MSR1: variants seen among roughly 807,000 people sequenced by gnomAD.
MSR1 encodes the protein macrophage scavenger receptor 1.
MSR1 carries 53 observed loss-of-function variants against 47.2 expected under a neutral mutation model. That is an observed-to-expected ratio of 1.12 (90% CI 0.90 to 1.41). The LOEUF (loss-of-function observed/expected upper bound fraction) is 1.41. Among genes scored for constraint, MSR1 ranks in the 40% most tolerant of loss-of-function variants. The pLI is 0.00. For missense variants in MSR1, 786 were observed against 546.9 expected (o/e 1.44, Z -4.36); for synonymous variants, 239 against 185.6 (o/e 1.29, Z -2.34).
At chr8:16,162,174 GACAA>G (rs796747686) in intron 5 of MSR1, among the ~76,000 whole-genome samples, 19 of 152,066 alleles carry the variant, frequency 1.2e-4, no homozygotes, top group African/African-American at 4.3e-4. Flanking sequence ...CAAAGAGAAT[GACAA>G]ACAGATTGGT....
chr8:16,117,754 T>C (rs1311432568), intron 9 of MSR1, among the ~76,000 whole-genome samples: 1 of 152,126 alleles, frequency 6.6e-6, no homozygotes, highest in Admixed American at 6.5e-5. Context: ...CAGGTGTCAC[T>C]GTCTCCCATC....
intron 9 of MSR1, among the ~76,000 whole-genome samples, chr8:16,116,603 C>A (rs1386271149): frequency 2.0e-5 from 3 of 150,858 alleles, no homozygotes; most frequent in South Asian, 2.1e-4. Context: ...TTAAAAAAAA[C>A]CATTTTCTTC....
At chr8:16,160,143 C>T (rs1801122150) in intron 5 of MSR1, among the ~76,000 whole-genome samples, 1 of 151,912 alleles carries the variant, frequency 6.6e-6, no homozygotes, top group East Asian at 1.9e-4. Flanking sequence ...CTAAGACTTC[C>T]TTTAGGAAGG....
chr8:16,145,822 T>C (rs1800681213), intron 7 of MSR1, among the ~76,000 whole-genome samples: 1 of 152,124 alleles, frequency 6.6e-6, no homozygotes, highest in East Asian at 1.9e-4. Flanking sequence ...ATATCCTTTC[T>C]AATGGAGAGG....
intron 5 of MSR1, among the ~76,000 whole-genome samples, chr8:16,161,118 A>C (rs910741357): frequency 4.6e-5 from 7 of 150,910 alleles, no homozygotes; most frequent in African/African-American, 1.7e-4. Flanking sequence ...AATACACCAG[A>C]CTGGGATATG....
intron 1 of MSR1, among the ~76,000 whole-genome samples, chr8:16,190,403 T>C (rs1802163736): frequency 6.6e-6 from 1 of 152,152 alleles, no homozygotes; most frequent in South Asian, 2.1e-4. Flanking sequence ...TACCATTGAA[T>C]AATAAAGCTT....
intron 4 of MSR1, 27 bp from the exon 5 acceptor site, chr8:16,164,278 G>A (rs1254760664): frequency 6.3e-7 from 1 of 1,587,776 alleles, no homozygotes; most frequent in Non-Finnish European, 8.6e-7. Context: ...AGCATTCACA[G>A]CCTTTGTTAC....
chr8:16,143,801 T>C (rs1408447216), intron 7 of MSR1, among the ~76,000 whole-genome samples, 190 bp from the exon 8 acceptor site: 1 of 152,062 alleles, frequency 6.6e-6, no homozygotes, highest in African/African-American at 2.4e-5. Flanking sequence ...GAACTCAATA[T>C]TGTGATATTT....
chr8:16,126,993 A>C (rs1800143983), intron 8 of MSR1, among the ~76,000 whole-genome samples: 2 of 152,194 alleles, frequency 1.3e-5, no homozygotes, highest in Admixed American at 6.5e-5. Context: ...CAGAGGGTTC[A>C]TTCTACACAT....
intron 5 of MSR1, among the ~76,000 whole-genome samples, chr8:16,155,809 T>A (rs1800989343): frequency 6.6e-6 from 1 of 152,002 alleles, no homozygotes; most frequent in South Asian, 2.1e-4. Context: ...AGTAGAGGAA[T>A]TCTTTTTTCA....
chr8:16,157,190 G>T (rs183869490), intron 5 of MSR1, among the ~76,000 whole-genome samples: 1 of 151,910 alleles, frequency 6.6e-6, no homozygotes, highest in East Asian at 1.9e-4. Context: ...GGGACACAGA[G>T]AATAGATCTA....
rs560266701 is a variant in MSR1, at chr8:16,118,334, A to G, written c.1222+2084T>C. On this transcript the variant is annotated intron_variant, in intron 9 of 9. Coordinates refer to ENST00000262101, the MANE Select transcript of MSR1 (RefSeq NM_138715.3). ...AGAACTGTGGGTGTCCCCTTCATAG[A>G]TGGTAACAGTCACTTGAAATGTTTT... Among the ~76,000 whole-genome samples, 4 of 152,290 alleles carry G rather than the reference A, an allele frequency of 2.6e-5. No homozygotes were observed. In the South Asian group the frequency reaches 8.3e-4, roughly 32 times the overall value.
chr8:16,115,476 C>A (rs1057388498), intron 9 of MSR1, among the ~76,000 whole-genome samples: 2 of 152,102 alleles, frequency 1.3e-5, no homozygotes, highest in African/African-American at 4.8e-5. Flanking sequence ...CATGTCTAAT[C>A]CCCAATCAGT....
At chr8:16,116,326 T>G (rs1799875609) in intron 9 of MSR1, among the ~76,000 whole-genome samples, 1 of 152,196 alleles carries the variant, frequency 6.6e-6, no homozygotes, top group Non-Finnish European at 1.5e-5. Flanking sequence ...ACTTGCAATT[T>G]TTTAAGTTAG....
In MSR1 at chr8:16,189,432, A is replaced by ATTTTATATATATAAAATCT. The variant is rs1563175613; in HGVS notation, c.-5+3165_-5+3166insAGATTTTATATATATAAAA. On this transcript the variant is annotated intron_variant, in intron 1 of 9. Transcript: ENST00000262101. The stretch of plus-strand genomic sequence containing the variant: ...ATATATATTTTATATATATAAAATC[A>ATTTTATATATATAAAATCT]TATTTTATATATATAAAATCTTATT... Among the ~76,000 whole-genome samples, 4 of 74,890 alleles carry ATTTTATATATATAAAATCT rather than the reference A, an allele frequency of 5.3e-5. 1 individual carries two copies. The highest frequency in any genetic ancestry group is 6.4e-4 in the East Asian group (2 of 3,144). 49.1% of individuals were successfully genotyped at this position (74,890 alleles called of 152,430 possible).
chr8:16,163,972 T>C (rs2117169018), intron 5 of MSR1, 93 bp downstream of exon 5: 1 of 1,037,666 alleles, frequency 9.6e-7, no homozygotes, highest in Non-Finnish European at 1.4e-6. Context: ...ACTATTTATT[T>C]CAAACCATAG....
chr8:16,145,901 G>C (rs974954723), intron 7 of MSR1, among the ~76,000 whole-genome samples: 6 of 152,088 alleles, frequency 3.9e-5, no homozygotes, highest in Non-Finnish European at 8.8e-5. Context: ...CAAACCTAGA[G>C]TTAACTATCT....
chr8:16,178,670 G>T (rs531422326), intron 1 of MSR1, among the ~76,000 whole-genome samples: 2 of 152,234 alleles, frequency 1.3e-5, no homozygotes, highest in Admixed American at 6.5e-5. Flanking sequence ...AATCCCTGAG[G>T]AATTGCCACA....
intron 7 of MSR1, among the ~76,000 whole-genome samples, chr8:16,149,211 T>C (rs1025131021): frequency 1.5e-4 from 23 of 152,128 alleles, no homozygotes; most frequent in African/African-American, 5.5e-4. Context: ...TGTTGGTTTA[T>C]TAATGGTTAC....
Sources: allele counts gnomAD v4.1 joint callset (sites outside exome capture counted in the v4.1 genomes callset), GRCh38; gene constraint gnomAD v4.1.1; transcripts MANE v1.5; gene names NCBI Gene and HGNC (gene_info 2026-07-23, HGNC 2026-07-21).